Variants in EHBP1 observed in about 807,000 individuals in gnomAD.
EHBP1 encodes EH domain-binding protein 1.
Under a neutral mutation model 144.0 loss-of-function variants are expected in EHBP1, and 55 were observed. The observed-to-expected ratio is 0.38, with a 90% CI of 0.31 to 0.48. EHBP1 has a LOEUF of 0.48. Ranked by LOEUF, EHBP1 falls within the 20% of genes least tolerant of loss-of-function variation. EHBP1 has a pLI of 0.98. For synonymous variants in EHBP1, 469 were observed against 472.7 expected (o/e 0.99, Z 0.10); for missense variants, 1,200 against 1,364.2 (o/e 0.88, Z 1.90).
At chr2:62,764,129 T>C (rs1269915733) in intron 3 of EHBP1, 137 bp from the exon 4 acceptor site, 2 of 610,222 alleles carry the variant, frequency 3.3e-6, no homozygotes, top group Non-Finnish European at 2.7e-6. Context: ...GGATACTACA[T>C]AGGGTCAATA....
intron 5 of EHBP1, among the ~76,000 whole-genome samples, chr2:62,773,406 A>G (rs1283090259): frequency 2.0e-5 from 3 of 152,064 alleles, no homozygotes; most frequent in African/African-American, 7.2e-5. Flanking sequence ...AGATTTAACG[A>G]GGGAAAAGTT....
intron 20 of EHBP1, among the ~76,000 whole-genome samples, chr2:63,038,307 A>ATTTT (rs2061527652): frequency 2.0e-5 from 3 of 152,138 alleles, no homozygotes. Flanking sequence ...ACTTGATAAA[A>ATTTT]GAGTTATGAA....
intron 5 of EHBP1, among the ~76,000 whole-genome samples, chr2:62,795,576 C>G (rs917547790): frequency 2.6e-5 from 4 of 152,002 alleles, no homozygotes; most frequent in African/African-American, 9.7e-5. Context: ...CTAAAACTGG[C>G]TTTACTCTCA....
At chr2:62,814,236 C>T (rs913127627) in intron 5 of EHBP1, among the ~76,000 whole-genome samples, 3 of 152,150 alleles carry the variant, frequency 2.0e-5, no homozygotes, top group Non-Finnish European at 4.4e-5. Flanking sequence ...AGAGCATGTT[C>T]TTTATTGGGA....
At chr2:62,793,131 A>AT (rs2043281872) in intron 5 of EHBP1, among the ~76,000 whole-genome samples, 1 of 152,096 alleles carries the variant, frequency 6.6e-6, no homozygotes, top group African/African-American at 2.4e-5. Context: ...TTTAGGGTAG[A>AT]TTAAGTTCAT....
chr2:62,773,348 T>C (rs1234186507), intron 5 of EHBP1, among the ~76,000 whole-genome samples: 1 of 152,098 alleles, frequency 6.6e-6, no homozygotes, highest in Non-Finnish European at 1.5e-5. Context: ...CTCTGGAAAA[T>C]CTAGGCCAGT....
intron 10 of EHBP1, among the ~76,000 whole-genome samples, chr2:62,929,733 G>A (rs1027569814): frequency 2.0e-5 from 3 of 151,898 alleles, no homozygotes; most frequent in African/African-American, 7.3e-5. Flanking sequence ...GCAAGTAAAA[G>A]ATGTAAAAGG....
intron 5 of EHBP1, among the ~76,000 whole-genome samples, chr2:62,785,889 T>C (rs964312154): frequency 3.3e-5 from 5 of 152,132 alleles, no homozygotes; most frequent in Non-Finnish European, 5.9e-5. Context: ...CTTTTTTTTT[T>C]CTTTCTGAAC....
chr2:62,990,895 G>A (rs1422373782), intron 16 of EHBP1, 55 bp downstream of exon 16: 2 of 1,523,054 alleles, frequency 1.3e-6, no homozygotes, highest in East Asian at 4.7e-5. Flanking sequence ...TCTAGTTTCT[G>A]CCAGGAGTTT....
At chr2:62,859,899 G>C (rs996958469) in intron 8 of EHBP1, among the ~76,000 whole-genome samples, 1 of 152,032 alleles carries the variant, frequency 6.6e-6, no homozygotes, top group African/African-American at 2.4e-5. Flanking sequence ...ATTGAACTCT[G>C]TATGCTTAAC....
At chr2:62,951,084 A>G (rs1296378583) in intron 13 of EHBP1, among the ~76,000 whole-genome samples, 2 of 152,238 alleles carry the variant, frequency 1.3e-5, no homozygotes, top group African/African-American at 4.8e-5. Context: ...CTTTACCAGA[A>G]GGTTTCAACA....
intron 5 of EHBP1, among the ~76,000 whole-genome samples, chr2:62,803,260 A>G (rs1244009490): frequency 6.6e-6 from 1 of 151,836 alleles, no homozygotes; most frequent in Non-Finnish European, 1.5e-5. Flanking sequence ...ATTTATGCAC[A>G]CGTGCATGAT....
At chr2:62,973,227 A>C (rs543053700) in intron 14 of EHBP1, among the ~76,000 whole-genome samples, 33 of 152,332 alleles carry the variant, frequency 2.2e-4, no homozygotes, top group Middle Eastern at 3.4e-3. Context: ...TAACTCAGTA[A>C]AAATGACCCT....
chr2:62,779,661 A>G (rs1401583056), intron 5 of EHBP1, among the ~76,000 whole-genome samples: 1 of 152,194 alleles, frequency 6.6e-6, no homozygotes. Context: ...ACAGTCCCAG[A>G]GTCTTAAACC....
chr2:62,730,855 C>G (rs62179267), intron 2 of EHBP1, among the ~76,000 whole-genome samples: 1 of 129,234 alleles, frequency 7.7e-6, no homozygotes, highest in Non-Finnish European at 1.7e-5. Context: ...GAGAGAGAGA[C>G]AGACAGGCAG....
At chr2:62,719,931 A>G (rs1235964458) in intron 2 of EHBP1, among the ~76,000 whole-genome samples, 2 of 152,178 alleles carry the variant, frequency 1.3e-5, no homozygotes, top group Non-Finnish European at 2.9e-5. Flanking sequence ...CAGTTTCAAA[A>G]TTAGATTGCT....
At chr2:62,924,812 A>G (rs2055363261) in intron 10 of EHBP1, among the ~76,000 whole-genome samples, 2 of 152,240 alleles carry the variant, frequency 1.3e-5, no homozygotes, top group African/African-American at 4.8e-5. Flanking sequence ...AACTACTCCA[A>G]AGAATGGAAG....
intron 9 of EHBP1, among the ~76,000 whole-genome samples, chr2:62,865,838 A>G (rs2049992302): frequency 6.6e-6 from 1 of 152,202 alleles, no homozygotes; most frequent in Non-Finnish European, 1.5e-5. Flanking sequence ...ATCACCCTGA[A>G]TTAAGGAGAT....
In EHBP1 at chr2:62,990,775, G is replaced by T. The variant is rs1444585576; in HGVS notation, c.2668G>T (p.Val890Leu). Residue 890 changes from valine (V) to leucine (L), a missense_variant, in exon 16 of 23, where the codon GTG (valine) becomes TTG (leucine). Physicochemically the swap from Val to Leu is conservative, Grantham distance 32. This residue lies in a region of EHBP1 where 543 missense variants were observed against 513.1 expected (regional missense o/e 1.06). Coordinates refer to ENST00000431489, the MANE Select transcript of EHBP1 (RefSeq NM_001142616.3). ...GAAGCTCCTAGAAGTTCAGCCACAG[G>T]TGGCAAATTCACCCTCCAGTGCTGC... is the stretch of plus-strand genomic sequence containing the variant. ...LKKLLEVQPQVANSPSSAAQK... is the reference protein window; with the variant it reads ...LKKLLEVQPQLANSPSSAAQK... 6.2e-7 allele frequency: 1 copy of T among 1,613,914 alleles called. No individual in the cohort carries two copies. Among genetic ancestry groups the T allele is most frequent in the Non-Finnish European group, 8.5e-7 (1 of 1,179,880 alleles).
Sources: allele counts gnomAD v4.1 joint callset (sites outside exome capture counted in the v4.1 genomes callset), GRCh38; gene constraint gnomAD v4.1.1; regional missense constraint gnomAD v4.1.1; transcripts MANE v1.5; gene names NCBI Gene and HGNC (gene_info 2026-07-23, HGNC 2026-07-21).